BNC2: variants seen among roughly 807,000 people sequenced by gnomAD.
The protein encoded by BNC2 is basonuclin zinc finger protein 2.
A neutral mutation model predicts 76.3 loss-of-function variants in BNC2; 20 were observed. That is an observed-to-expected ratio of 0.26 (90% CI 0.18 to 0.38). The LOEUF is 0.38. BNC2 is among the 10% of genes least tolerant of loss of function. The pLI is 1.00. For missense variants in BNC2, 1,382 were observed against 1,399.8 expected, an observed-to-expected ratio of 0.99 and a Z score of 0.20; for synonymous variants, 582 against 514.8, an observed-to-expected ratio of 1.13 and a Z score of -1.77.
chr9:16,714,334 G>A (rs147831072), intron 3 of BNC2, among the ~76,000 whole-genome samples: 146 of 152,142 alleles, frequency 9.6e-4, no homozygotes, highest in Non-Finnish European at 8.5e-4. Flanking sequence ...TCCATTATTC[G>A]CTACCTCTTT....
chr9:16,563,735 G>C (rs569274689), intron 4 of BNC2, among the ~76,000 whole-genome samples: 6 of 152,152 alleles, frequency 3.9e-5, no homozygotes, highest in Non-Finnish European at 8.8e-5. Context: ...ATTGGGACTA[G>C]AACTGATAGT....
intron 3 of BNC2, among the ~76,000 whole-genome samples, chr9:16,715,757 A>T (rs78554429): frequency 0.016 from 2,395 of 151,982 alleles, 63 homozygotes; most frequent in African/African-American, 0.054. Flanking sequence ...TTCCCACTAG[A>T]CTCACTCTAC....
In BNC2 at chr9:16,490,103, C is replaced by A. The variant is rs55798751; in HGVS notation, c.670-52579G>T. 1.2e-3 allele frequency among the ~76,000 whole-genome samples: 186 copies of A among 152,268 alleles called. 3 individuals carry two copies. The East Asian group carries it at 0.022, about 18-fold the overall frequency. On this transcript the variant is annotated intron_variant, in intron 5 of 6. Transcript: ENST00000380672. Reference sequence around the variant, plus strand: ...ACCCCTCCAAATCAAAGACCTTTCTCCCCATTGTTAGAGTGAAAGCTCACT... The same window carrying A: ...ACCCCTCCAAATCAAAGACCTTTCTACCCATTGTTAGAGTGAAAGCTCACT...
intron 5 of BNC2, among the ~76,000 whole-genome samples, chr9:16,458,083 G>A (rs946749902): frequency 2.6e-4 from 39 of 152,004 alleles, no homozygotes; most frequent in African/African-American, 8.5e-4. Flanking sequence ...TGCCCTCTAC[G>A]GTGTCCAGTT....
At chr9:16,438,757 C>T (rs76529174) in intron 5 of BNC2, among the ~76,000 whole-genome samples, 1,688 of 152,188 alleles carry the variant, frequency 0.011, 29 homozygotes, top group African/African-American at 0.038. Context: ...ATAACATTAT[C>T]GCAAAAAACC....
intron 4 of BNC2, among the ~76,000 whole-genome samples, chr9:16,571,971 C>A (rs1819337542): frequency 6.6e-6 from 1 of 152,176 alleles, no homozygotes; most frequent in South Asian, 2.1e-4. Context: ...AAAACACCTC[C>A]CTAGCCAAGT....
intron 1 of BNC2, among the ~76,000 whole-genome samples, chr9:16,839,469 A>C (rs1270808289): frequency 1.3e-5 from 2 of 152,222 alleles, no homozygotes; most frequent in African/African-American, 4.8e-5. Context: ...CCAAATATTA[A>C]GCAATGATAA....
chr9:16,694,406 C>T (rs1215452353), intron 3 of BNC2, among the ~76,000 whole-genome samples: 2 of 152,024 alleles, frequency 1.3e-5, no homozygotes, highest in Admixed American at 6.6e-5. Context: ...GAGACAAATA[C>T]AACAGGCATT....
At chr9:16,420,517 G>C (rs984326447) in intron 6 of BNC2, among the ~76,000 whole-genome samples, 2 of 151,626 alleles carry the variant, frequency 1.3e-5, no homozygotes, top group Non-Finnish European at 2.9e-5. Flanking sequence ...ACAACAGAAA[G>C]AAAACTCAGA....
At chr9:16,655,105 T>G (rs1212730081) in intron 3 of BNC2, among the ~76,000 whole-genome samples, 1 of 151,526 alleles carries the variant, frequency 6.6e-6, no homozygotes, top group Non-Finnish European at 1.5e-5. Flanking sequence ...GCAGACAGAC[T>G]AGGCCACGAG....
chr9:16,430,979 T>G (rs1220454722), intron 6 of BNC2, among the ~76,000 whole-genome samples: 1 of 152,188 alleles, frequency 6.6e-6, no homozygotes, highest in African/African-American at 2.4e-5. Flanking sequence ...TTTCTACAAC[T>G]TGAAGATCAA....
chr9:16,591,191 G>A (rs1563853450), intron 3 of BNC2, among the ~76,000 whole-genome samples: 2 of 152,096 alleles, frequency 1.3e-5, no homozygotes, highest in Admixed American at 6.6e-5. Flanking sequence ...CAGCTTGAGC[G>A]AAAAAATTCT....
chr9:16,665,035 C>G (rs1757340978), intron 3 of BNC2: 1 of 456,366 alleles, frequency 2.2e-6, no homozygotes, highest in Non-Finnish European at 4.4e-6. Flanking sequence ...TAAACTAGAC[C>G]TGTAACTTCT....
chr9:16,514,340 C>G (rs755056096), intron 5 of BNC2, among the ~76,000 whole-genome samples: 1 of 152,226 alleles, frequency 6.6e-6, no homozygotes, highest in Non-Finnish European at 1.5e-5. Flanking sequence ...CAACACACCC[C>G]TGACTGGTCT....
At chr9:16,784,599 G>C (rs1241379500) in intron 1 of BNC2, among the ~76,000 whole-genome samples, 6 of 152,314 alleles carry the variant, frequency 3.9e-5, no homozygotes, top group Non-Finnish European at 2.9e-5. Flanking sequence ...GGCTTACTCT[G>C]AATACAGAGA....
chr9:16,682,706 T>C (rs1183934277), intron 3 of BNC2, among the ~76,000 whole-genome samples: 1 of 152,204 alleles, frequency 6.6e-6, no homozygotes, highest in Non-Finnish European at 1.5e-5. Context: ...TCTAATCTAG[T>C]ACTGAAATAT....
chr9:16,767,330 G>A (rs1374785890), intron 1 of BNC2, among the ~76,000 whole-genome samples: 1 of 152,198 alleles, frequency 6.6e-6, no homozygotes, highest in Non-Finnish European at 1.5e-5. Flanking sequence ...CCTCAGTACT[G>A]GGATAAAACT....
chr9:16,542,577 A>T (rs1361525758), intron 5 of BNC2, among the ~76,000 whole-genome samples: 1 of 152,224 alleles, frequency 6.6e-6, no homozygotes, highest in Non-Finnish European at 1.5e-5. Flanking sequence ...AACAAATGCC[A>T]AGTTTGTAAA....
At chr9:16,477,933 T>A (rs1219908762) in intron 5 of BNC2, among the ~76,000 whole-genome samples, 2 of 152,134 alleles carry the variant, frequency 1.3e-5, no homozygotes, top group African/African-American at 4.8e-5. Context: ...GCATGTCTTT[T>A]TTTAGGTGCT....
Sources: gnomAD v4.1 joint callset for allele counts (sites outside exome capture counted in the v4.1 genomes callset) on GRCh38, gnomAD v4.1.1 for gene constraint, MANE v1.5 for transcripts, NCBI Gene and HGNC (gene_info 2026-07-23, HGNC 2026-07-21) for gene names.